The following RARB variants were observed in gnomAD, a reference collection of about 807,000 sequenced individuals.
The protein encoded by RARB is HBV-activated protein.
RARB carries 17 observed loss-of-function variants against 51.9 expected under a neutral mutation model. That is an observed-to-expected ratio of 0.33 (90% CI 0.22 to 0.49). The LOEUF is 0.49. RARB is among the 20% of genes least tolerant of loss of function. The pLI is 0.99. For synonymous variants in RARB, 215 were observed against 195.4 expected, an observed-to-expected ratio of 1.10 and a Z score of -0.84; for missense variants, 369 against 550.8, an observed-to-expected ratio of 0.67 and a Z score of 3.30.
At position 25,176,349 on chromosome 3, in the gene RARB, C is replaced by CTTT. The variant is rs1575197612; in HGVS notation, c.178+1774_178+1775insTTT. On this transcript the variant is annotated intron_variant, in intron 5 of 11. Transcript: ENST00000383772. Reference sequence around the variant, plus strand: ...TCTTTCTTTCTTTCCTTCCTTCCTTCCTTCCTTCCTTCCTTCCTTCCTTCC... The same window carrying CTTT: ...TCTTTCTTTCTTTCCTTCCTTCCTTCTTTCTTCCTTCCTTCCTTCCTTCCTTCC... Among the ~76,000 whole-genome samples the CTTT allele has an allele frequency of 6.2e-3, 552 of 89,400 alleles. 2 individuals are homozygous for CTTT. Among genetic ancestry groups the CTTT allele is most frequent in the East Asian group, 0.01 (30 of 2,886 alleles). 58.6% of individuals were successfully genotyped at this position (89,400 alleles called of 152,430 possible). A position where few individuals can be genotyped will look rare whatever the true frequency, so the allele number is the denominator to read the frequency against.
At chr3:25,095,584 A>G (rs1043486639) in intron 3 of RARB, among the ~76,000 whole-genome samples, 1 of 152,074 alleles carries the variant, frequency 6.6e-6, no homozygotes, top group African/African-American at 2.4e-5. Context: ...AGCTGTGGAG[A>G]AATATATTTA....
chr3:24,879,823 G>A (rs1384117484), intron 2 of RARB, among the ~76,000 whole-genome samples: 2 of 152,160 alleles, frequency 1.3e-5, no homozygotes, highest in Non-Finnish European at 1.5e-5. Context: ...TTCAAGATGT[G>A]TAGATTTTCT....
chr3:25,316,901 G>A (rs987422952), intron 5 of RARB, among the ~76,000 whole-genome samples: 7 of 152,116 alleles, frequency 4.6e-5, no homozygotes, highest in Admixed American at 2.0e-4. Flanking sequence ...CCAGTTAACC[G>A]TCTCATTGTA....
intron 5 of RARB, among the ~76,000 whole-genome samples, chr3:25,587,575 C>T (rs1050940220): frequency 2.0e-5 from 3 of 152,124 alleles, no homozygotes; most frequent in Non-Finnish European, 4.4e-5. Flanking sequence ...GAGACAGTAA[C>T]GGTAACAAGG....
chr3:24,864,349 C>T (rs1469746985), intron 2 of RARB, among the ~76,000 whole-genome samples: 2 of 152,180 alleles, frequency 1.3e-5, no homozygotes, highest in Non-Finnish European at 2.9e-5. Flanking sequence ...TGTTCCTTTG[C>T]GTTTTTTCTT....
At chr3:25,048,824 C>G (rs1054630350) in intron 2 of RARB, among the ~76,000 whole-genome samples, 1 of 143,644 alleles carries the variant, frequency 7.0e-6, no homozygotes, top group Non-Finnish European at 1.5e-5. Flanking sequence ...GGCGCGATCT[C>G]GGCTCACTGC....
intron 2 of RARB, among the ~76,000 whole-genome samples, chr3:24,868,481 A>C (rs765365944): frequency 6.6e-5 from 10 of 152,174 alleles, no homozygotes; most frequent in Non-Finnish European, 1.3e-4. Context: ...CAAACAACAA[A>C]AAAAAATGTT....
chr3:24,909,093 C>A (rs539189621), intron 2 of RARB, among the ~76,000 whole-genome samples: 7 of 152,210 alleles, frequency 4.6e-5, no homozygotes, highest in African/African-American at 1.7e-4. Context: ...CCCTAGGAGA[C>A]AGGTTATTAT....
intron 3 of RARB, among the ~76,000 whole-genome samples, chr3:25,554,985 G>C (rs926292683): frequency 2.6e-5 from 4 of 152,106 alleles, no homozygotes; most frequent in Non-Finnish European, 5.9e-5. Flanking sequence ...TACTCCTGAT[G>C]GCAGAGCACT....
intron 5 of RARB, among the ~76,000 whole-genome samples, chr3:25,270,589 G>A (rs762950505): frequency 6.6e-6 from 1 of 152,140 alleles, no homozygotes; most frequent in Middle Eastern, 3.2e-3. Flanking sequence ...AAAAAAGAAG[G>A]TTTATATGCA....
At chr3:24,879,411 A>G (rs1703112267) in intron 2 of RARB, among the ~76,000 whole-genome samples, 1 of 150,748 alleles carries the variant, frequency 6.6e-6, no homozygotes, top group Admixed American at 6.6e-5. Flanking sequence ...CCTGGGCGAC[A>G]GAGCAAGACT....
intron 5 of RARB, among the ~76,000 whole-genome samples, chr3:25,292,165 A>G (rs946769917): frequency 6.6e-6 from 1 of 152,010 alleles, no homozygotes; most frequent in African/African-American, 2.4e-5. Flanking sequence ...TCTTGTCCCC[A>G]GTAGGAGAAT....
At chr3:25,039,312 T>C (rs1487836661) in intron 2 of RARB, among the ~76,000 whole-genome samples, 1 of 152,160 alleles carries the variant, frequency 6.6e-6, no homozygotes, top group Non-Finnish European at 1.5e-5. Context: ...CAGTGGAAAA[T>C]AAGCTATGCA....
At chr3:25,160,139 T>C (rs1003371343) in intron 4 of RARB, among the ~76,000 whole-genome samples, 1 of 152,238 alleles carries the variant, frequency 6.6e-6, no homozygotes, top group African/African-American at 2.4e-5. Flanking sequence ...ATCATATCTA[T>C]TTGAAATAGA....
chr3:25,409,503 T>C (rs767543510), intron 5 of RARB, among the ~76,000 whole-genome samples: 7 of 152,108 alleles, frequency 4.6e-5, no homozygotes, highest in Admixed American at 1.3e-4. Context: ...GTAAGAACCT[T>C]CTCCGGTCAC....
chr3:25,565,194 G>C (rs900240707), intron 3 of RARB, among the ~76,000 whole-genome samples: 3 of 152,170 alleles, frequency 2.0e-5, no homozygotes, highest in African/African-American at 7.2e-5. Flanking sequence ...CCTAAGTTCT[G>C]ATCCTGACTG....
chr3:25,248,037 T>A (rs1004871904), intron 5 of RARB, among the ~76,000 whole-genome samples: 2 of 152,202 alleles, frequency 1.3e-5, no homozygotes, highest in African/African-American at 2.4e-5. Flanking sequence ...AATATTTGTT[T>A]TATGTATCTG....
chr3:25,233,474 G>T (rs1259496125), intron 5 of RARB, among the ~76,000 whole-genome samples: 1 of 152,096 alleles, frequency 6.6e-6, no homozygotes, highest in Admixed American at 6.6e-5. Flanking sequence ...CATGTAGATA[G>T]TTGTCTCTAA....
chr3:25,505,466 A>G (rs1697535958), intron 3 of RARB, among the ~76,000 whole-genome samples: 1 of 152,000 alleles, frequency 6.6e-6, no homozygotes, highest in African/African-American at 2.4e-5. Context: ...ATCAAATTTG[A>G]TTTTACATGT....
Sources: allele counts gnomAD v4.1 joint callset (sites outside exome capture counted in the v4.1 genomes callset), GRCh38; gene constraint gnomAD v4.1.1; transcripts MANE v1.5; gene names NCBI Gene and HGNC (gene_info 2026-07-23, HGNC 2026-07-21).